SLC6A6: variants seen among roughly 807,000 people sequenced by gnomAD.
The protein encoded by SLC6A6 is solute carrier family 6 member 6.
A neutral mutation model predicts 68.8 loss-of-function variants in SLC6A6; 16 were observed. That is an observed-to-expected ratio of 0.23 (90% CI 0.16 to 0.35). SLC6A6 has a LOEUF of 0.35. Among genes scored for constraint, SLC6A6 ranks in the 10% least tolerant of loss-of-function variants. The probability of loss-of-function intolerance (pLI) is 1.00; values close to 1 mark genes in which losing one functional copy is unlikely to be tolerated. For synonymous variants in SLC6A6, 312 were observed against 315.4 expected (o/e 0.99, Z 0.12); for missense variants, 474 against 802.8 (o/e 0.59, Z 4.95).
At chr3:14,475,281 C>G (rs1287177675) in intron 10 of SLC6A6, among the ~76,000 whole-genome samples, 1 of 152,050 alleles carries the variant, frequency 6.6e-6, no homozygotes, top group African/African-American at 2.4e-5. Flanking sequence ...ATCTGCCTGC[C>G]TTGGCCTCCC....
intron 6 of SLC6A6, among the ~76,000 whole-genome samples, chr3:14,463,156 C>T (rs1217365973): frequency 1.3e-5 from 2 of 152,148 alleles, no homozygotes; most frequent in Non-Finnish European, 2.9e-5. Flanking sequence ...GACACACATC[C>T]CAAAGGTGTG....
chr3:14,427,460 G>GCC (rs1357201939), intron 2 of SLC6A6, among the ~76,000 whole-genome samples: 1 of 152,194 alleles, frequency 6.6e-6, no homozygotes, highest in Non-Finnish European at 1.5e-5. Flanking sequence ...GAGCTTCCTG[G>GCC]CTAGCCCCGC....
Position 14,481,638 on chromosome 3 carries a change from A to G in SLC6A6, c.1552-33A>G. On this transcript the variant is annotated intron_variant, in intron 13 of 14. Transcript: ENST00000622186. This position sits in a 1 kb window ranked among gnomAD's most constrained non-coding sequence, Gnocchi z 4.7. ...AGCCCCCCACCCCCCGATGCCCAGG[A>G]CCCCTCTCCTGACTGCCCCCATCTC... 7.8e-6 allele frequency: 9 copies of G among 1,159,168 alleles called. No individual in the cohort carries two copies. Among genetic ancestry groups the G allele is most frequent in the Non-Finnish European group, 1.1e-5 (9 of 796,762 alleles). The allele number at this position is 1,159,168 out of a possible 1,614,324, so 71.8% of individuals were successfully genotyped here.
chr3:14,431,751 C>T (rs1022379234), intron 2 of SLC6A6, among the ~76,000 whole-genome samples: 7 of 152,152 alleles, frequency 4.6e-5, no homozygotes, highest in Admixed American at 1.3e-4. Context: ...TTTGGTTCCT[C>T]TAGCACCACA....
intron 2 of SLC6A6, among the ~76,000 whole-genome samples, chr3:14,426,927 C>T (rs896395100): frequency 5.9e-5 from 9 of 152,064 alleles, no homozygotes; most frequent in Admixed American, 2.6e-4. Context: ...AACGGCGTGG[C>T]GATGGGGGTT....
chr3:14,455,932 A>T (rs1162272463), intron 5 of SLC6A6, among the ~76,000 whole-genome samples: 1 of 152,184 alleles, frequency 6.6e-6, no homozygotes, highest in Non-Finnish European at 1.5e-5. Context: ...TTAAATCAGC[A>T]TATAGCAGAG....
At chr3:14,431,557 G>A (rs1699725146) in intron 2 of SLC6A6, among the ~76,000 whole-genome samples, 1 of 152,118 alleles carries the variant, frequency 6.6e-6, no homozygotes, top group Admixed American at 6.5e-5. Flanking sequence ...AGGGTGTTGG[G>A]GCTTGAGAAA....
At chr3:14,422,858 G>A (rs1699514572) in intron 2 of SLC6A6, among the ~76,000 whole-genome samples, 1 of 152,170 alleles carries the variant, frequency 6.6e-6, no homozygotes, top group Admixed American at 6.5e-5. Flanking sequence ...ATATTTTCTG[G>A]GTTGAGTTTT....
At chr3:14,429,880 G>A (rs938688639) in intron 2 of SLC6A6, among the ~76,000 whole-genome samples, 1 of 152,190 alleles carries the variant, frequency 6.6e-6, no homozygotes. Context: ...GGTTTCCCAA[G>A]GAGAACTTTG....
chr3:14,407,605 G>T (rs1365313451), intron 1 of SLC6A6, among the ~76,000 whole-genome samples: 1 of 151,406 alleles, frequency 6.6e-6, no homozygotes, highest in Non-Finnish European at 1.5e-5. Context: ...CCCAGTCTCA[G>T]ATGATCCTCC....
chr3:14,470,223 T>C (rs138539807), intron 9 of SLC6A6, among the ~76,000 whole-genome samples: 1 of 152,354 alleles, frequency 6.6e-6, no homozygotes, highest in African/African-American at 2.4e-5. Flanking sequence ...TCAGTTGTTT[T>C]TTCCTCCCGT....
Position 14,467,972 on chromosome 3 carries a change from G to A in SLC6A6, c.971+16G>A. ...ACTCGTACAGGCAAGTGTTGCGCCG[G>A]CGGGCCTGGTGGACTTTAGAAATGA... On this transcript the variant is annotated intron_variant, in intron 8 of 14. Transcript: ENST00000622186. 1 of 1,610,188 alleles carries A rather than the reference G, an allele frequency of 6.2e-7. No homozygotes were observed. The highest frequency in any genetic ancestry group is 8.5e-7 in the Non-Finnish European group (1 of 1,176,736).
Position 14,468,914 on chromosome 3 carries a change from C to T in SLC6A6, c.1096+702C>T, listed in dbSNP as rs567432579. ...CTTAGAATCACGGACTCTGCACAGA[C>T]GGGGAACTTAGGAATCTGGGATCCC... On this transcript the variant is annotated intron_variant, in intron 9 of 14. Transcript: ENST00000622186. The surrounding 1 kb of genome is among the most constrained non-coding windows in gnomAD (Gnocchi z 4.5). Among the ~76,000 whole-genome samples the T allele has an allele frequency of 1.4e-4, 21 of 152,198 alleles. No individual in the cohort carries two copies. The highest frequency in any genetic ancestry group is 3.9e-4 in the Admixed American group (6 of 15,296).
At chr3:14,422,428 G>A (rs1699505331) in intron 2 of SLC6A6, among the ~76,000 whole-genome samples, 1 of 152,208 alleles carries the variant, frequency 6.6e-6, no homozygotes, top group African/African-American at 2.4e-5. Context: ...GGGTGGCAGT[G>A]CCGAGCTTGG....
At chr3:14,434,644 G>A (rs1200474187) in intron 2 of SLC6A6, among the ~76,000 whole-genome samples, 3 of 152,182 alleles carry the variant, frequency 2.0e-5, no homozygotes, top group Non-Finnish European at 2.9e-5. Flanking sequence ...CCCTTTCCCC[G>A]ACTTAGCTGC....
rs1454880962 is a variant in SLC6A6, at chr3:14,477,285, C to T, written c.1290C>T (p.Ile430=). Residue 430 remains isoleucine, a synonymous_variant, in exon 11 of 15, where the codon ATC becomes ATT. Coordinates refer to ENST00000622186, the MANE Select transcript of SLC6A6 (RefSeq NM_003043.6). The surrounding 1 kb of genome is among the most constrained non-coding windows in gnomAD (Gnocchi z 4.2). ...TAAGGAAGGGTTATCGTCGGGAAAT[C>T]TTCATCGCCTTCGTGTGTAGCATCA... ...SFLRKGYRRE[I]FIAFVCSISY... 6.2e-7 allele frequency: 1 copy of T among 1,614,080 alleles called. No homozygotes were observed.
chr3:14,471,818 C>T (rs1033499414), intron 9 of SLC6A6, among the ~76,000 whole-genome samples: 3 of 152,228 alleles, frequency 2.0e-5, no homozygotes, highest in Admixed American at 6.5e-5. Context: ...GTCACCACCA[C>T]GCTCCCCCGC....
Position 14,481,837 on chromosome 3 carries a change from T to C in SLC6A6, c.1718T>C (p.Leu573Pro), listed in dbSNP as rs1701015683. 7 of 1,613,686 alleles carry C rather than the reference T, an allele frequency of 4.3e-6. No homozygotes were observed. The East Asian group carries it at 6.7e-5, about 15-fold the overall frequency. ...CTCTGCCAGACTGAGGGGCCGTTCCTTGTGGTAAGTGCTTGGGCCCAGGGC... is the reference window on the plus strand; with the variant it reads ...CTCTGCCAGACTGAGGGGCCGTTCCCTGTGGTAAGTGCTTGGGCCCAGGGC... ...IRLCQTEGPF[L>P]VRVKYLLTPR... The change falls in exon 14 of 15, where the codon CTT (leucine) becomes CCT (proline). Residue 573 changes from leucine to proline, a missense_variant. By Grantham distance (98) the Leu-to-Pro change is moderately conservative. Transcript: ENST00000622186. The surrounding 1 kb of genome is among the most constrained non-coding windows in gnomAD (Gnocchi z 4.7).
chr3:14,444,102 C>T (rs887592777), intron 3 of SLC6A6: 1 of 470,146 alleles, frequency 2.1e-6, no homozygotes, highest in African/African-American at 1.9e-5. Flanking sequence ...TGAGCAGGTC[C>T]CTCAGCCTCT....
Sources: allele counts gnomAD v4.1 joint callset (sites outside exome capture counted in the v4.1 genomes callset), GRCh38; gene constraint gnomAD v4.1.1; non-coding constraint Gnocchi (gnomAD v3.1); transcripts MANE v1.5; gene names NCBI Gene and HGNC (gene_info 2026-07-23, HGNC 2026-07-21).